The following ZC4H2 variants were observed in gnomAD, a reference collection of about 807,000 sequenced individuals.
ZC4H2 encodes the protein zinc finger C4H2-type containing.
For synonymous variants in ZC4H2, 84 were observed against 66.3 expected, an observed-to-expected ratio of 1.27 and a Z score of -1.30; for missense variants, 137 against 173.9, an observed-to-expected ratio of 0.79 and a Z score of 1.19.
intron 1 of ZC4H2, among the ~76,000 whole-genome samples, chrX:64,987,891 C>A (rs1227815148): frequency 1.4e-5 from 1 of 71,711 alleles, no homozygotes; most frequent in Non-Finnish European, 2.5e-5. Context: ...CCCCTCCCCC[C>A]ACCCCACAAC....
At chrX:65,006,343 A>C (rs2147282822) in intron 1 of ZC4H2, among the ~76,000 whole-genome samples, 1 of 111,966 alleles carries the variant, frequency 8.9e-6, no homozygotes, top group South Asian at 3.8e-4. Flanking sequence ...GATTAAGAAA[A>C]TGTGGCACAT....
At chrX:65,016,492 A>C (rs2147288963) in intron 1 of ZC4H2, among the ~76,000 whole-genome samples, 1 of 112,250 alleles carries the variant, frequency 8.9e-6, no homozygotes, top group African/African-American at 3.2e-5. Flanking sequence ...TAGGATGCAC[A>C]AAAAAGATGA....
In ZC4H2 at chrX:64,917,177, T is replaced by A. The variant is rs1250849239; in HGVS notation, c.*606A>T. ...ACAGCCTAGTACCTAAGAATTTTAGTATATGTGGGAGACAGAAGTGGAGAA... is the reference window on the plus strand; with the variant it reads ...ACAGCCTAGTACCTAAGAATTTTAGAATATGTGGGAGACAGAAGTGGAGAA... On this transcript the variant is annotated 3_prime_UTR_variant, in exon 5 of 5. Coordinates refer to ENST00000374839, the MANE Select transcript of ZC4H2 (RefSeq NM_018684.4). 1 of 112,222 alleles carries A rather than the reference T, an allele frequency of 8.9e-6. No individual in the cohort carries two copies. Among genetic ancestry groups the A allele is most frequent in the Non-Finnish European group, 1.9e-5 (1 of 53,269 alleles). The allele number at this position is 112,222 out of a possible 1,213,427, so 9.2% of individuals were successfully genotyped here.
At chrX:64,993,693 A>G (rs1932354614) in intron 1 of ZC4H2, among the ~76,000 whole-genome samples, 1 of 112,045 alleles carries the variant, frequency 8.9e-6, no homozygotes, top group South Asian at 3.8e-4. Flanking sequence ...TGCAAATGGA[A>G]TAAGACTCTA....
At chrX:65,015,689 A>C (rs2147288494) in intron 1 of ZC4H2, among the ~76,000 whole-genome samples, 1 of 112,097 alleles carries the variant, frequency 8.9e-6, no homozygotes, top group African/African-American at 3.2e-5. Flanking sequence ...TCCTATACAT[A>C]TTTCATTTTA....
chrX:64,945,589 C>G (rs765638557), intron 1 of ZC4H2, among the ~76,000 whole-genome samples: 1 of 111,703 alleles, frequency 9.0e-6, no homozygotes, highest in South Asian at 3.8e-4. Flanking sequence ...CAGTCCATCC[C>G]TTAGCATAGC....
At chrX:64,949,719 C>G (rs1930700381) in intron 1 of ZC4H2, among the ~76,000 whole-genome samples, 1 of 111,320 alleles carries the variant, frequency 9.0e-6, no homozygotes, top group South Asian at 3.8e-4. Context: ...TTTATGGCAT[C>G]CATTTGATTC....
At chrX:64,934,957 C>T (rs1929930197) in intron 1 of ZC4H2, among the ~76,000 whole-genome samples, 1 of 109,481 alleles carries the variant, frequency 9.1e-6, no homozygotes, top group South Asian at 3.9e-4. Flanking sequence ...TCCCCCATAC[C>T]TTAAGGGCCA....
intron 1 of ZC4H2, among the ~76,000 whole-genome samples, chrX:65,025,636 T>TA (rs1438136191): frequency 9.0e-6 from 1 of 111,396 alleles, no homozygotes; most frequent in Non-Finnish European, 1.9e-5. Context: ...AATCATTTTT[T>TA]ATCCATAGAG....
At chrX:65,011,219 A>G (rs1932752523) in intron 1 of ZC4H2, among the ~76,000 whole-genome samples, 1 of 112,066 alleles carries the variant, frequency 8.9e-6, no homozygotes, top group Non-Finnish European at 1.9e-5. Context: ...TTATCCTTAT[A>G]TCACTTTTGA....
intron 1 of ZC4H2, among the ~76,000 whole-genome samples, chrX:64,922,790 T>A (rs1384974666): frequency 8.9e-6 from 1 of 112,182 alleles, no homozygotes; most frequent in Non-Finnish European, 1.9e-5. Context: ...ACTGAGCACT[T>A]GTGATGTGGC....
chrX:64,978,726 A>G (rs908014932), upstream of ZC4H2, among the ~76,000 whole-genome samples: 2 of 110,435 alleles, frequency 1.8e-5, no homozygotes, highest in African/African-American at 3.3e-5. Flanking sequence ...TAATGAAGAG[A>G]GTGTGTCTGG....
At chrX:64,951,401 G>C (rs1478724427) in intron 1 of ZC4H2, among the ~76,000 whole-genome samples, 3 of 111,714 alleles carry the variant, frequency 2.7e-5, no homozygotes, top group Non-Finnish European at 5.6e-5. Flanking sequence ...GGTTGAACTA[G>C]TTTACAGTCC....
intron 1 of ZC4H2, among the ~76,000 whole-genome samples, chrX:64,951,868 C>A (rs1040986894): frequency 9.0e-6 from 1 of 111,253 alleles, no homozygotes; most frequent in African/African-American, 3.3e-5. Context: ...GACATGAAGT[C>A]CTTGCCAATT....
intron 3 of ZC4H2, 168 bp downstream of exon 3, chrX:64,919,913 A>G: frequency 6.9e-6 from 3 of 432,291 alleles, no homozygotes; most frequent in Non-Finnish European, 1.1e-5. Context: ...GACTTGCCCA[A>G]GATCACACAG....
At chrX:64,936,083 C>A (rs1442833265) in intron 1 of ZC4H2, among the ~76,000 whole-genome samples, 1 of 109,469 alleles carries the variant, frequency 9.1e-6, no homozygotes, top group African/African-American at 3.3e-5. Context: ...CATAAATGAC[C>A]TGATGGGGAT....
intron 1 of ZC4H2, among the ~76,000 whole-genome samples, chrX:64,971,963 T>G (rs1486964790): frequency 9.0e-6 from 1 of 111,513 alleles, no homozygotes; most frequent in Non-Finnish European, 1.9e-5. Context: ...AATATTGTTT[T>G]GTACTTGGGG....
chrX:64,951,047 A>G (rs1380892852), intron 1 of ZC4H2, among the ~76,000 whole-genome samples: 2 of 110,814 alleles, frequency 1.8e-5, no homozygotes. Flanking sequence ...ATGAGTGAGA[A>G]CATGCGGTGT....
intron 1 of ZC4H2, among the ~76,000 whole-genome samples, chrX:64,960,545 G>A (rs1006507508): frequency 4.5e-5 from 5 of 111,727 alleles, no homozygotes; most frequent in South Asian, 3.7e-4. Flanking sequence ...TTTTGCATTA[G>A]TACTGGGGAA....
Sources: gnomAD v4.1 joint callset for allele counts (sites outside exome capture counted in the v4.1 genomes callset) on GRCh38, gnomAD v4.1.1 for gene constraint, MANE v1.5 for transcripts, NCBI Gene and HGNC (gene_info 2026-07-23, HGNC 2026-07-21) for gene names.